Variants in HSD17B6 observed in about 807,000 individuals in gnomAD.
HSD17B6 encodes the protein 17-beta-hydroxysteroid dehydrogenase type 6.
Under a neutral mutation model 26.4 loss-of-function variants are expected in HSD17B6, and 16 were observed. That is an observed-to-expected ratio of 0.61 (90% CI 0.41 to 0.92). The LOEUF (loss-of-function observed/expected upper bound fraction) is 0.92. Ranked by LOEUF, HSD17B6 falls within the 40% of genes least tolerant of loss-of-function variation. The pLI, the probability that HSD17B6 is intolerant of heterozygous loss-of-function variation, is 0.00. For missense variants in HSD17B6, 357 were observed against 386.1 expected, an observed-to-expected ratio of 0.92 and a Z score of 0.63; for synonymous variants, 139 against 153.0, an observed-to-expected ratio of 0.91 and a Z score of 0.68.
chr12:56,784,173 G>C (rs1393289986), intron 3 of HSD17B6, among the ~76,000 whole-genome samples: 2 of 151,526 alleles, frequency 1.3e-5, no homozygotes, highest in Non-Finnish European at 2.9e-5. Context: ...GCTGGGCAGA[G>C]ACGCTCCTCA....
intron 1 of HSD17B6, among the ~76,000 whole-genome samples, chr12:56,765,463 C>CACACACAAAA (rs899114593): frequency 1.3e-5 from 2 of 151,966 alleles, no homozygotes; most frequent in Admixed American, 1.3e-4. Flanking sequence ...AACAAAAACA[C>CACACACAAAA]ACACACAAAA....
chr12:56,778,908 C>T (rs1461495600), intron 2 of HSD17B6, among the ~76,000 whole-genome samples: 2 of 151,802 alleles, frequency 1.3e-5, no homozygotes, highest in Non-Finnish European at 2.9e-5. Flanking sequence ...ATTTCCTGAC[C>T]TCGGGATCCG....
chr12:56,783,699 C>G (rs1278069083), intron 3 of HSD17B6, among the ~76,000 whole-genome samples: 1 of 140,888 alleles, frequency 7.1e-6, no homozygotes, highest in Non-Finnish European at 1.6e-5. Flanking sequence ...GCTGACCCCC[C>G]TCACCTCCCT....
intron 1 of HSD17B6, among the ~76,000 whole-genome samples, chr12:56,767,879 GTA>G (rs1194782078): frequency 2.0e-5 from 3 of 146,606 alleles, no homozygotes; most frequent in Non-Finnish European, 4.5e-5. Flanking sequence ...ATATATACAC[GTA>G]TATACACATA....
chr12:56,771,218 G>C (rs1025775287), intron 1 of HSD17B6, among the ~76,000 whole-genome samples: 1 of 152,006 alleles, frequency 6.6e-6, no homozygotes, highest in African/African-American at 2.4e-5. Context: ...TCTCCTTCCC[G>C]AGGTGTCAGA....
chr12:56,782,346 A>C (rs1019448827), intron 3 of HSD17B6, 114 bp downstream of exon 3: 35 of 981,324 alleles, frequency 3.6e-5, no homozygotes, highest in Non-Finnish European at 5.2e-5. Flanking sequence ...ATACATAGAT[A>C]TTATTACTAG....
intron 2 of HSD17B6, among the ~76,000 whole-genome samples, chr12:56,781,539 C>T (rs2137924341): frequency 6.6e-6 from 1 of 152,302 alleles, no homozygotes; most frequent in African/African-American, 2.4e-5. Context: ...CGTGGTGGCT[C>T]ACGCCTGTAA....
intron 2 of HSD17B6, among the ~76,000 whole-genome samples, chr12:56,774,799 C>T (rs1172072647): frequency 6.6e-6 from 1 of 152,216 alleles, no homozygotes; most frequent in Non-Finnish European, 1.5e-5. Flanking sequence ...CTGCCACTGA[C>T]CTGACAGGAG....
chr12:56,775,525 A>G (rs1258506793), intron 2 of HSD17B6, among the ~76,000 whole-genome samples: 1 of 152,212 alleles, frequency 6.6e-6, no homozygotes, highest in East Asian at 1.9e-4. Context: ...TCTTTAAAAA[A>G]TGTTTTAAAA....
intron 1 of HSD17B6, among the ~76,000 whole-genome samples, chr12:56,765,036 G>T (rs1187820915): frequency 6.6e-6 from 1 of 152,018 alleles, no homozygotes; most frequent in African/African-American, 2.4e-5. Flanking sequence ...TGTTGGCCAG[G>T]CTGGTCTTGA....
chr12:56,776,924 A>T (rs1954606369), intron 2 of HSD17B6, among the ~76,000 whole-genome samples: 2 of 152,202 alleles, frequency 1.3e-5, no homozygotes, highest in South Asian at 4.1e-4. Flanking sequence ...GTTTTTGGCA[A>T]TTATGAATAA....
At chr12:56,764,288 A>G (rs1025648665) in intron 1 of HSD17B6, among the ~76,000 whole-genome samples, 7 of 152,114 alleles carry the variant, frequency 4.6e-5, no homozygotes, top group African/African-American at 1.7e-4. Context: ...AGACAAACCC[A>G]TGTCTGAAGA....
chr12:56,771,358 T>C (rs956453510), intron 1 of HSD17B6, among the ~76,000 whole-genome samples: 1 of 152,180 alleles, frequency 6.6e-6, no homozygotes, highest in East Asian at 1.9e-4. Context: ...GGACCTGTCT[T>C]GTAGGGTTCT....
At chr12:56,766,573 T>G (rs1024585864) in intron 1 of HSD17B6, among the ~76,000 whole-genome samples, 8 of 152,188 alleles carry the variant, frequency 5.3e-5, no homozygotes, top group Admixed American at 4.6e-4. Context: ...GATCCAATCA[T>G]GGAGGGCCTT....
chr12:56,773,962 G>A lies in HSD17B6; in HGVS notation c.110G>A (p.Cys37Tyr). 6.2e-7 allele frequency: 1 copy of A among 1,614,156 alleles called. No individual in the cohort carries two copies. The highest frequency in any genetic ancestry group is 2.2e-5 in the East Asian group (1 of 44,886). Residue 37 changes from cysteine to tyrosine, a missense_variant, in exon 2 of 5, where the codon TGT (cysteine) becomes TAT (tyrosine). By Grantham distance (194) the Cys-to-Tyr change is radical. Coordinates refer to ENST00000322165, the MANE Select transcript of HSD17B6 (RefSeq NM_003725.4). ...LQDKYVFITG[C>Y]DSGFGNLLAR... ...GACAAGTATGTCTTTATCACGGGCT[G>A]TGACTCGGGCTTTGGGAACCTGCTG... is the stretch of plus-strand genomic sequence containing the variant.
At chr12:56,765,043 T>A (rs1469015654) in intron 1 of HSD17B6, among the ~76,000 whole-genome samples, 1 of 152,088 alleles carries the variant, frequency 6.6e-6, no homozygotes, top group Non-Finnish European at 1.5e-5. Flanking sequence ...CAGGCTGGTC[T>A]TGAACTCCTG....
intron 1 of HSD17B6, among the ~76,000 whole-genome samples, chr12:56,765,118 C>G (rs1954293723): frequency 6.6e-6 from 1 of 152,170 alleles, no homozygotes; most frequent in Non-Finnish European, 1.5e-5. Context: ...GCCACCATGC[C>G]TGGCCTCATG....
At chr12:56,777,285 G>A (rs1283054447) in intron 2 of HSD17B6, among the ~76,000 whole-genome samples, 1 of 152,068 alleles carries the variant, frequency 6.6e-6, no homozygotes, top group African/African-American at 2.4e-5. Flanking sequence ...TTGTAGACAT[G>A]AGGTTTCTCC....
At chr12:56,783,044 T>C (rs528005916) in intron 3 of HSD17B6, among the ~76,000 whole-genome samples, 428 of 152,320 alleles carry the variant, frequency 2.8e-3, no homozygotes, top group African/African-American at 0.01. Flanking sequence ...TCTACTTCTT[T>C]CTACACAGAC....
Sources: gnomAD v4.1 joint callset for allele counts (sites outside exome capture counted in the v4.1 genomes callset) on GRCh38, gnomAD v4.1.1 for gene constraint, MANE v1.5 for transcripts, NCBI Gene and HGNC (gene_info 2026-07-23, HGNC 2026-07-21) for gene names.